ZNF236: variants seen among roughly 807,000 people sequenced by gnomAD.
ZNF236 encodes zinc finger protein 236.
Under a neutral mutation model 191.2 loss-of-function variants are expected in ZNF236, and 50 were observed. The observed-to-expected ratio is 0.26, with a 90% CI of 0.21 to 0.33. The LOEUF (loss-of-function observed/expected upper bound fraction) is 0.33, where lower values mean the gene tolerates loss of function less well. ZNF236 is among the 10% of genes least tolerant of loss of function. ZNF236 has a pLI of 1.00. For missense variants in ZNF236, 1,754 were observed against 2,374.5 expected (o/e 0.74, Z 5.43); for synonymous variants, 907 against 928.8 (o/e 0.98, Z 0.43).
At chr18:76,823,230 G>C (rs1016552300) in intron 1 of ZNF236, among the ~76,000 whole-genome samples, 4 of 150,660 alleles carry the variant, frequency 2.7e-5, no homozygotes, top group African/African-American at 9.8e-5. Context: ...AGCGTTGTCC[G>C]GGAAGCGCAG....
rs994683302 is a variant in ZNF236, at chr18:76,904,536, T to A, written c.2036+15T>A. 2 of 1,561,560 alleles carry A rather than the reference T, an allele frequency of 1.3e-6. No individual in the cohort carries two copies. Among genetic ancestry groups the A allele is most frequent in the Non-Finnish European group, 1.7e-6 (2 of 1,154,510 alleles). On this transcript the variant is annotated intron_variant, in intron 12 of 30. Coordinates refer to ENST00000320610, the MANE Select transcript of ZNF236 (RefSeq NM_001306089.2). ...CAACACATCAGGTAAGGTAACGGATTCACAGATGGAAATTTAGTATAATTA... is the reference window on the plus strand; with the variant it reads ...CAACACATCAGGTAAGGTAACGGATACACAGATGGAAATTTAGTATAATTA...
chr18:76,846,135 A>G (rs74391327), intron 1 of ZNF236, among the ~76,000 whole-genome samples: 67 of 152,036 alleles, frequency 4.4e-4, no homozygotes, highest in Middle Eastern at 3.4e-3. Flanking sequence ...TTTTTAAAAA[A>G]TAGAGACAGT....
Position 76,939,078 on chromosome 18 carries a change from A to G in ZNF236, c.4782+1735A>G, listed in dbSNP as rs534122801. Among the ~76,000 whole-genome samples, 3 of 152,220 alleles carry G rather than the reference A, an allele frequency of 2.0e-5. No homozygotes were observed. In the East Asian group the frequency reaches 5.8e-4, roughly 29 times the overall value. On this transcript the variant is annotated intron_variant, in intron 26 of 30. Coordinates refer to ENST00000320610, the MANE Select transcript of ZNF236 (RefSeq NM_001306089.2). The stretch of plus-strand genomic sequence containing the variant: ...CGACTGGCTGGGCGTGGTGGCTCAC[A>G]CCTGTAATCCCAGCACTTTGGCAAG...
chr18:76,955,155 C>A (rs1411270358), intron 27 of ZNF236, among the ~76,000 whole-genome samples: 1 of 152,120 alleles, frequency 6.6e-6, no homozygotes, highest in African/African-American at 2.4e-5. Context: ...ACACTGTAAT[C>A]CCAGCACTTG....
chr18:76,823,335 G>T (rs1042942076), intron 1 of ZNF236, among the ~76,000 whole-genome samples: 19 of 151,746 alleles, frequency 1.3e-4, no homozygotes, highest in Non-Finnish European at 2.5e-4. Flanking sequence ...TGAACCCTGA[G>T]CCTCTGCAGA....
chr18:76,870,268 AT>A (rs3842672), intron 4 of ZNF236, among the ~76,000 whole-genome samples: 142,864 of 151,706 alleles, frequency 0.94, 67,334 homozygotes, highest in Non-Finnish European at 0.96. Context: ...GATTTCAGTG[AT>A]TTTTTTTTTC....
intron 9 of ZNF236, among the ~76,000 whole-genome samples, chr18:76,890,939 C>T (rs1977211768): frequency 6.6e-6 from 1 of 152,122 alleles, no homozygotes; most frequent in Admixed American, 6.5e-5. Context: ...AGAGGAAAAC[C>T]ACTTCCACTT....
In ZNF236 at chr18:76,842,517, C is replaced by T. The variant is rs183002633; in HGVS notation, c.56-7009C>T. Among the ~76,000 whole-genome samples the T allele has an allele frequency of 8.5e-4, 129 of 151,578 alleles. No homozygotes were observed. In the Middle Eastern group the frequency reaches 0.017, roughly 20 times the overall value. On this transcript the variant is annotated intron_variant, in intron 1 of 30. Transcript: ENST00000320610. ...CTGTAATCCCAGCACTTTGGGAGGCCGAGGTGGGCAGCTCAGCTGAGGTAG... is the reference window on the plus strand; with the variant it reads ...CTGTAATCCCAGCACTTTGGGAGGCTGAGGTGGGCAGCTCAGCTGAGGTAG...
chr18:76,830,556 T>G (rs1231677296), intron 1 of ZNF236, among the ~76,000 whole-genome samples: 1 of 152,162 alleles, frequency 6.6e-6, no homozygotes, highest in Non-Finnish European at 1.5e-5. Flanking sequence ...ATTCAATCTT[T>G]CAGCTTCCCT....
At chr18:76,862,020 C>T (rs527555046) in intron 3 of ZNF236, among the ~76,000 whole-genome samples, 30 of 152,226 alleles carry the variant, frequency 2.0e-4, no homozygotes, top group African/African-American at 5.3e-4. Flanking sequence ...CCCGTCACCA[C>T]GCCCGGCTAG....
chr18:76,954,819 C>T (rs1160844265), intron 27 of ZNF236, among the ~76,000 whole-genome samples: 1 of 152,198 alleles, frequency 6.6e-6, no homozygotes, highest in Non-Finnish European at 1.5e-5. Flanking sequence ...ACACCAGTCC[C>T]TGCACATCTC....
chr18:76,876,054 C>G (rs963855256), intron 6 of ZNF236, among the ~76,000 whole-genome samples: 1 of 152,162 alleles, frequency 6.6e-6, no homozygotes, highest in South Asian at 2.1e-4. Context: ...TTTCTTACTG[C>G]TAATACTACA....
rs1482119549 is a variant in ZNF236 at position 76,959,678 on chromosome 18, G to A, written c.5113-9G>A. 6.3e-7 allele frequency: 1 copy of A among 1,593,434 alleles called. No homozygotes were observed. On this transcript the variant is annotated splice_polypyrimidine_tract_variant and intron_variant, in intron 28 of 30. Transcript: ENST00000320610. ...TCTTGTTTCTTGGTTTCTGTGTGTT[G>A]TCTCCCAGGAGCACATGCAGACACA...
intron 11 of ZNF236, among the ~76,000 whole-genome samples, chr18:76,899,496 T>G (rs1484651382): frequency 6.6e-6 from 1 of 152,242 alleles, no homozygotes; most frequent in Non-Finnish European, 1.5e-5. Flanking sequence ...TAAGTCCTCA[T>G]TGAAGAAACA....
intron 13 of ZNF236, 131 bp downstream of exon 13, chr18:76,905,546 A>T (rs1367750065): frequency 2.9e-3 from 17 of 5,882 alleles, no homozygotes; most frequent in Non-Finnish European, 4.4e-3. Flanking sequence ...TGGGCTCAAG[A>T]AAAAAAAAAA....
chr18:76,830,714 G>A (rs561836777), intron 1 of ZNF236, among the ~76,000 whole-genome samples: 3 of 152,248 alleles, frequency 2.0e-5, no homozygotes, highest in South Asian at 4.1e-4. Context: ...ATTCAAAGCC[G>A]TCCTGGGCTG....
At chr18:76,938,582 T>C (rs1968056833) in intron 26 of ZNF236, among the ~76,000 whole-genome samples, 1 of 152,208 alleles carries the variant, frequency 6.6e-6, no homozygotes, top group Non-Finnish European at 1.5e-5. Context: ...ATAGCAGCAT[T>C]TCCTCTGCAT....
At chr18:76,861,896 CT>C (rs1976242450) in intron 3 of ZNF236, among the ~76,000 whole-genome samples, 1 of 152,202 alleles carries the variant, frequency 6.6e-6, no homozygotes, top group South Asian at 2.1e-4. Context: ...CAGAGTTTCG[CT>C]CTTGTCGCCC....
At chr18:76,887,252 G>C (rs1340597727) in intron 9 of ZNF236, among the ~76,000 whole-genome samples, 1 of 151,968 alleles carries the variant, frequency 6.6e-6, no homozygotes, top group Non-Finnish European at 1.5e-5. Context: ...CGCACCTGTA[G>C]TCCCACCTAC....
Sources: allele counts gnomAD v4.1 joint callset (sites outside exome capture counted in the v4.1 genomes callset), GRCh38; gene constraint gnomAD v4.1.1; transcripts MANE v1.5; gene names NCBI Gene and HGNC (gene_info 2026-07-23, HGNC 2026-07-21).